DCC: variants seen among roughly 807,000 people sequenced by gnomAD.
DCC encodes the protein DCC netrin 1 receptor.
Under a neutral mutation model 172.5 loss-of-function variants are expected in DCC, and 58 were observed. The ratio of observed to expected loss-of-function variants is 0.34; its 90% confidence interval spans 0.27 to 0.42. The LOEUF (loss-of-function observed/expected upper bound fraction) is 0.42. Among genes scored for constraint, DCC ranks in the 10% least tolerant of loss-of-function variants. The pLI is 1.00. For missense variants in DCC, 1,740 were observed against 1,791.0 expected (o/e 0.97, Z 0.51); for synonymous variants, 709 against 644.5 (o/e 1.10, Z -1.52).
chr18:53,133,602 G>C (rs769728386), intron 7 of DCC, among the ~76,000 whole-genome samples: 1 of 151,954 alleles, frequency 6.6e-6, no homozygotes, highest in African/African-American at 2.4e-5. Context: ...CACTTTCATG[G>C]GCCACTCACA....
At position 52,891,670 on chromosome 18, in the gene DCC, G is replaced by A. The variant is rs1406914265; in HGVS notation, c.413-14374G>A. 2.0e-5 allele frequency among the ~76,000 whole-genome samples: 3 copies of A among 151,992 alleles called. No homozygotes were observed. The East Asian group carries it at 5.8e-4, about 29-fold the overall frequency. Reference sequence around the variant, plus strand: ...CCTACATAACCTAAGCAAAATCACAGCCTAAATATTTTACTTGGAAACTGA... The same window carrying A: ...CCTACATAACCTAAGCAAAATCACAACCTAAATATTTTACTTGGAAACTGA... On this transcript the variant is annotated intron_variant, in intron 2 of 28. Coordinates refer to ENST00000442544, the MANE Select transcript of DCC (RefSeq NM_005215.4).
intron 1 of DCC, among the ~76,000 whole-genome samples, chr18:52,590,307 T>A (rs1285620317): frequency 6.6e-6 from 1 of 152,140 alleles, no homozygotes; most frequent in Non-Finnish European, 1.5e-5. Context: ...CCAAAGCCAA[T>A]GCTATGCAAT....
chr18:52,857,269 G>T (rs913380861), intron 2 of DCC, among the ~76,000 whole-genome samples: 1 of 152,190 alleles, frequency 6.6e-6, no homozygotes, highest in Non-Finnish European at 1.5e-5. Flanking sequence ...GTAACATTTT[G>T]CTATCCTTGC....
At chr18:52,406,404 A>C (rs1050248286) in intron 1 of DCC, among the ~76,000 whole-genome samples, 2 of 151,880 alleles carry the variant, frequency 1.3e-5, no homozygotes, top group Non-Finnish European at 2.9e-5. Context: ...AATGGGAGAA[A>C]ATTTTCGCAA....
At chr18:52,425,972 T>C (rs1218054582) in intron 1 of DCC, among the ~76,000 whole-genome samples, 3 of 152,134 alleles carry the variant, frequency 2.0e-5, no homozygotes, top group African/African-American at 4.8e-5. Flanking sequence ...ATATCAAGTG[T>C]TACCCTAAAC....
intron 2 of DCC, among the ~76,000 whole-genome samples, chr18:52,811,309 C>T (rs138749507): frequency 5.3e-4 from 81 of 152,152 alleles, no homozygotes; most frequent in African/African-American, 1.8e-3. Context: ...AATGAAAATA[C>T]CAGCTCAGGT....
At chr18:53,226,948 A>ATATATATATATATTTTTTTT in intron 12 of DCC, among the ~76,000 whole-genome samples, 9 of 52,948 alleles carry the variant, frequency 1.7e-4, no homozygotes, top group Admixed American at 3.4e-4. Context: ...ATATATATAT[A>ATATATATATATATTTTTTTT]TTTTTTTTTT....
intron 7 of DCC, among the ~76,000 whole-genome samples, chr18:53,096,158 T>TAAAA (rs1555710965): frequency 6.6e-6 from 1 of 151,802 alleles, no homozygotes; most frequent in Non-Finnish European, 1.5e-5. Flanking sequence ...AGTATAGTAA[T>TAAAA]AATAAATAAA....
At chr18:52,984,834 A>G (rs1353697112) in intron 5 of DCC, among the ~76,000 whole-genome samples, 1 of 152,128 alleles carries the variant, frequency 6.6e-6, no homozygotes, top group Non-Finnish European at 1.5e-5. Context: ...ATGACGGTCA[A>G]ATAGATTATC....
intron 1 of DCC, among the ~76,000 whole-genome samples, chr18:52,616,761 T>C (rs1272684954): frequency 2.0e-5 from 3 of 152,130 alleles, no homozygotes; most frequent in Admixed American, 6.5e-5. Flanking sequence ...AAAGGTGTTA[T>C]TTGCCCTAGA....
chr18:52,574,971 C>G (rs561244525), intron 1 of DCC, among the ~76,000 whole-genome samples: 1 of 152,176 alleles, frequency 6.6e-6, no homozygotes, highest in South Asian at 2.1e-4. Flanking sequence ...ATGACTTGAG[C>G]AAGTCATTGG....
intron 2 of DCC, among the ~76,000 whole-genome samples, chr18:52,839,171 T>C (rs2038762844): frequency 6.6e-6 from 1 of 152,204 alleles, no homozygotes; most frequent in African/African-American, 2.4e-5. Context: ...ATTATACAAA[T>C]GAATCAACCT....
intron 7 of DCC, among the ~76,000 whole-genome samples, chr18:53,104,741 T>A (rs1279535733): frequency 1.3e-5 from 2 of 152,036 alleles, no homozygotes; most frequent in African/African-American, 4.8e-5. Flanking sequence ...AACCAATGAG[T>A]AAGCTGCAGA....
At chr18:52,541,240 C>G (rs1056822265) in intron 1 of DCC, among the ~76,000 whole-genome samples, 3 of 152,176 alleles carry the variant, frequency 2.0e-5, no homozygotes, top group African/African-American at 7.2e-5. Flanking sequence ...CCACCTCACT[C>G]ATATTTTATC....
chr18:52,846,975 G>T (rs1227910421), intron 2 of DCC, among the ~76,000 whole-genome samples: 1 of 151,180 alleles, frequency 6.6e-6, no homozygotes, highest in Admixed American at 6.6e-5. Context: ...CAGCCTGCCT[G>T]ACTTCAATAT....
intron 1 of DCC, among the ~76,000 whole-genome samples, chr18:52,566,482 C>T (rs988612639): frequency 2.0e-5 from 3 of 151,992 alleles, no homozygotes; most frequent in South Asian, 4.1e-4. Context: ...CAAACCTGCA[C>T]GTTCTGCACA....
chr18:52,565,550 G>T (rs922434516), intron 1 of DCC, among the ~76,000 whole-genome samples: 21 of 152,126 alleles, frequency 1.4e-4, no homozygotes, highest in Non-Finnish European at 2.5e-4. Flanking sequence ...GCATGAGATG[G>T]TATCTCATTG....
chr18:53,056,202 A>T (rs557441422), intron 5 of DCC, among the ~76,000 whole-genome samples: 20 of 152,152 alleles, frequency 1.3e-4, no homozygotes, highest in Admixed American at 2.6e-4. Context: ...GGCAAAGGGG[A>T]AGTTAGATAC....
At chr18:52,640,140 G>A (rs1459829187) in intron 1 of DCC, among the ~76,000 whole-genome samples, 1 of 152,068 alleles carries the variant, frequency 6.6e-6, no homozygotes, top group Non-Finnish European at 1.5e-5. Flanking sequence ...TGCAGAAAAA[G>A]CATTTGACAA....
Sources: gnomAD v4.1 joint callset for allele counts (sites outside exome capture counted in the v4.1 genomes callset) on GRCh38, gnomAD v4.1.1 for gene constraint, MANE v1.5 for transcripts, NCBI Gene and HGNC (gene_info 2026-07-23, HGNC 2026-07-21) for gene names.